Variants in ABHD16A observed in about 807,000 individuals in gnomAD.
The protein encoded by ABHD16A is phosphatidylserine lipase ABHD16A.
ABHD16A carries 47 observed loss-of-function variants against 89.8 expected under a neutral mutation model. The observed-to-expected ratio is 0.52, with a 90% CI of 0.41 to 0.67. ABHD16A has a LOEUF of 0.67. Ranked by LOEUF, ABHD16A falls within the 30% of genes least tolerant of loss-of-function variation. ABHD16A has a pLI of 0.00. For missense variants in ABHD16A, 580 were observed against 734.6 expected (o/e 0.79, Z 2.43); for synonymous variants, 251 against 280.4 (o/e 0.90, Z 1.05).
Position 31,690,149 on chromosome 6 carries a change from G to A in ABHD16A, c.908-22C>T. 6.4e-7 allele frequency: 1 copy of A among 1,571,262 alleles called. No homozygotes were observed. Among genetic ancestry groups the A allele is most frequent in the Non-Finnish European group, 8.6e-7 (1 of 1,159,364 alleles). On this transcript the variant is annotated intron_variant, in intron 10 of 19. Coordinates refer to ENST00000395952, the MANE Select transcript of ABHD16A (RefSeq NM_021160.3). This position sits in a 1 kb window ranked among gnomAD's most constrained non-coding sequence, Gnocchi z 4.1. ...CCAGCTGTAACACAGGGGGAGGAGG[G>A]ACTGAGACCTTGTGGCCCACAGCCC...
chr6:31,700,792 C>T (rs1804898100), intron 4 of ABHD16A, 150 bp downstream of exon 4: 4 of 647,230 alleles, frequency 6.2e-6, no homozygotes, highest in South Asian at 2.1e-5. Context: ...ATTTATAACC[C>T]AAGTCTTTTA....
In ABHD16A at chr6:31,690,179, TCCATC is replaced by T; in HGVS notation, c.908-57_908-53del. ...AGACCTTGTGGCCCACAGCCCTTTCTCCATCCCTGGGGGAAGGAAGAGCAGAAGTA... is the reference window on the plus strand; with the variant it reads ...AGACCTTGTGGCCCACAGCCCTTTCTCCTGGGGGAAGGAAGAGCAGAAGTA... On this transcript the variant is annotated intron_variant, in intron 10 of 19. Coordinates refer to ENST00000395952, the MANE Select transcript of ABHD16A (RefSeq NM_021160.3). This position sits in a 1 kb window ranked among gnomAD's most constrained non-coding sequence, Gnocchi z 4.1. The T allele has an allele frequency of 6.7e-7, 1 of 1,498,776 alleles. No homozygotes were observed. The highest frequency in any genetic ancestry group is 9.0e-7 in the Non-Finnish European group (1 of 1,110,844). 92.8% of individuals were successfully genotyped at this position (1,498,776 alleles called of 1,614,324 possible).
intron 5 of ABHD16A, among the ~76,000 whole-genome samples, chr6:31,696,163 C>CA (rs59018866): frequency 5.1e-3 from 358 of 69,524 alleles, no homozygotes; most frequent in Middle Eastern, 0.019. Flanking sequence ...GACTCCGTCT[C>CA]AAAAAAAAAA....
At position 31,690,210 on chromosome 6, in the gene ABHD16A, C is replaced by T; in HGVS notation, c.908-83G>A. The T allele has an allele frequency of 7.5e-7, 1 of 1,330,224 alleles. No homozygotes were observed. The highest frequency in any genetic ancestry group is 1.0e-6 in the Non-Finnish European group (1 of 971,106). The allele number at this position is 1,330,224 out of a possible 1,614,324, so 82.4% of individuals were successfully genotyped here. On this transcript the variant is annotated intron_variant, in intron 10 of 19. Coordinates refer to ENST00000395952, the MANE Select transcript of ABHD16A (RefSeq NM_021160.3). The surrounding 1 kb of genome is among the most constrained non-coding windows in gnomAD (Gnocchi z 4.1). ...CCTGGGGGAAGGAAGAGCAGAAGTA[C>T]CCCCCAGCTTAGATGCAAATAACTC...
At chr6:31,700,276 C>T (rs1804827455) in intron 4 of ABHD16A, among the ~76,000 whole-genome samples, 1 of 152,046 alleles carries the variant, frequency 6.6e-6, no homozygotes, top group South Asian at 2.1e-4. Flanking sequence ...CAGGCACGTG[C>T]CACCATGCCC....
intron 2 of ABHD16A, 46 bp from the exon 3 acceptor site, chr6:31,701,386 C>A: frequency 6.8e-7 from 1 of 1,480,448 alleles, no homozygotes; most frequent in Non-Finnish European, 9.4e-7. Flanking sequence ...CACACACACA[C>A]ACACCTGCCA....
chr6:31,693,281 T>C lies in ABHD16A; in HGVS notation c.503+78A>G. The C allele has an allele frequency of 6.3e-7, 1 of 1,592,888 alleles. No individual in the cohort carries two copies. Among genetic ancestry groups the C allele is most frequent in the Non-Finnish European group, 8.6e-7 (1 of 1,163,582 alleles). ...GCAGGCACTGTGACCTGAGAGGGCA[T>C]GGAGGTGGGAGGGCAGAGCAGAGAT... On this transcript the variant is annotated intron_variant, in intron 6 of 19. Transcript: ENST00000395952. This position sits in a 1 kb window ranked among gnomAD's most constrained non-coding sequence, Gnocchi z 5.0.
Position 31,688,373 on chromosome 6 carries a change from T to C in ABHD16A, c.1251-68A>G. The C allele has an allele frequency of 6.8e-7, 1 of 1,475,126 alleles. No individual in the cohort carries two copies. The highest frequency in any genetic ancestry group is 1.1e-5 in the South Asian group (1 of 87,876). 91.4% of individuals were successfully genotyped at this position (1,475,126 alleles called of 1,614,324 possible). On this transcript the variant is annotated intron_variant, in intron 14 of 19. Transcript: ENST00000395952. The surrounding 1 kb of genome is among the most constrained non-coding windows in gnomAD (Gnocchi z 4.9). ...ACGGGTGACAACTGGCCCACCCCTA[T>C]CCCTGCACTGGTAGCATTCTTACCC...
rs748187015 is a variant in ABHD16A at position 31,690,627 on chromosome 6, G to A, written c.844-25C>T. 1.9e-6 allele frequency: 3 copies of A among 1,611,814 alleles called. No individual in the cohort carries two copies. The highest frequency in any genetic ancestry group is 1.7e-6 in the Non-Finnish European group (2 of 1,179,042). ...CCTAGGAAGGAGGCAGGAAGGAAGG[G>A]CTGGGGGGCCAAGTTGGGACTGAAA... On this transcript the variant is annotated intron_variant, in intron 9 of 19. Transcript: ENST00000395952. The surrounding 1 kb of genome is among the most constrained non-coding windows in gnomAD (Gnocchi z 4.1).
intron 4 of ABHD16A, among the ~76,000 whole-genome samples, chr6:31,700,058 T>C (rs1804796332): frequency 6.6e-6 from 1 of 152,120 alleles, no homozygotes. Flanking sequence ...TCATCTGCGT[T>C]GTTGAGCGTA....
chr6:31,702,603 A>G, intron 1 of ABHD16A: 1 of 1,458,802 alleles, frequency 6.9e-7, no homozygotes, highest in Non-Finnish European at 9.0e-7. Flanking sequence ...AATATTTAGA[A>G]CAGCCTACCA....
In ABHD16A at chr6:31,687,210, C is replaced by G. The variant is rs912849261; in HGVS notation, c.*2G>C. The G allele has an allele frequency of 6.2e-7, 1 of 1,612,136 alleles. No homozygotes were observed. Among genetic ancestry groups the G allele is most frequent in the Non-Finnish European group, 8.5e-7 (1 of 1,179,436 alleles). On this transcript the variant is annotated 3_prime_UTR_variant, in exon 20 of 20. Transcript: ENST00000395952. This position sits in a 1 kb window ranked among gnomAD's most constrained non-coding sequence, Gnocchi z 6.3. ...TCTTCCATAATGAGTCCCAGTTGGTCCCTAGAGGTGCCAGGGCATCTGGAA... is the reference window on the plus strand; with the variant it reads ...TCTTCCATAATGAGTCCCAGTTGGTGCCTAGAGGTGCCAGGGCATCTGGAA...
Position 31,702,864 on chromosome 6 carries a change from A to G in ABHD16A, c.132+286T>C, listed in dbSNP as rs554390779. The G allele has an allele frequency of 4.6e-4, 630 of 1,362,108 alleles. No individual in the cohort carries two copies. The African/African-American group carries it at 8.9e-3, about 19-fold the overall frequency. The allele number at this position is 1,362,108 out of a possible 1,614,324, so 84.4% of individuals were successfully genotyped here. On this transcript the variant is annotated intron_variant, in intron 1 of 19. Coordinates refer to ENST00000395952, the MANE Select transcript of ABHD16A (RefSeq NM_021160.3). ...GTCTCTTCCCGGGACTCAAGACTCA[A>G]CTGGGACCGGCACGAACCACGACAC...
Position 31,688,649 on chromosome 6 carries a change from GT to G in ABHD16A, c.1250+73del. ...TTTACCAACTTGCACTTTAGTACTA[GT>G]TTCAGGGTTTGAGCGCCCAGCAGAG... On this transcript the variant is annotated intron_variant, in intron 14 of 19. Coordinates refer to ENST00000395952, the MANE Select transcript of ABHD16A (RefSeq NM_021160.3). This position sits in a 1 kb window ranked among gnomAD's most constrained non-coding sequence, Gnocchi z 4.9. 6.5e-7 allele frequency: 1 copy of G among 1,548,852 alleles called. No homozygotes were observed. The highest frequency in any genetic ancestry group is 8.9e-7 in the Non-Finnish European group (1 of 1,126,646).
At chr6:31,701,946 G>A in intron 2 of ABHD16A, 128 bp downstream of exon 2, 1 of 935,374 alleles carries the variant, frequency 1.1e-6, no homozygotes, top group South Asian at 1.4e-5. Context: ...GTGTTGGAGA[G>A]GTCTGCTGCA....
chr6:31,687,183 A>C lies in ABHD16A; in HGVS notation c.*29T>G. On this transcript the variant is annotated 3_prime_UTR_variant, in exon 20 of 20. Coordinates refer to ENST00000395952, the MANE Select transcript of ABHD16A (RefSeq NM_021160.3). This position sits in a 1 kb window ranked among gnomAD's most constrained non-coding sequence, Gnocchi z 6.3. Reference sequence around the variant, plus strand: ...CTTTCCTCATGTCTCCTCTCACCCCATTCTTCCATAATGAGTCCCAGTTGG... The same window carrying C: ...CTTTCCTCATGTCTCCTCTCACCCCCTTCTTCCATAATGAGTCCCAGTTGG... 1 of 1,586,492 alleles carries C rather than the reference A, an allele frequency of 6.3e-7. No individual in the cohort carries two copies. Among genetic ancestry groups the C allele is most frequent in the Non-Finnish European group, 8.6e-7 (1 of 1,156,946 alleles).
At chr6:31,701,107 A>G in intron 3 of ABHD16A, 79 bp from the exon 4 acceptor site, 1 of 1,376,372 alleles carries the variant, frequency 7.3e-7, no homozygotes, top group Admixed American at 1.8e-5. Context: ...CCCAACCTCC[A>G]CCCCACACTC....
At chr6:31,689,225 A>C in intron 12 of ABHD16A, 106 bp from the exon 13 acceptor site, 1 of 1,007,714 alleles carries the variant, frequency 9.9e-7, no homozygotes, top group Non-Finnish European at 1.5e-6. Flanking sequence ...CATTCCCCCT[A>C]TGTTATCCCT....
In ABHD16A at chr6:31,702,146, G is replaced by T; in HGVS notation, c.133-16C>A. On this transcript the variant is annotated splice_polypyrimidine_tract_variant and intron_variant, in intron 1 of 19. Transcript: ENST00000395952. ...AGTACGTATCCTGCCAAAACAGATG[G>T]CCTCCTTAAGGACCCTGCCCACTGG... The T allele has an allele frequency of 6.2e-7, 1 of 1,612,916 alleles. No homozygotes were observed. The highest frequency in any genetic ancestry group is 1.1e-5 in the South Asian group (1 of 91,082).
Sources: gnomAD v4.1 joint callset for allele counts (sites outside exome capture counted in the v4.1 genomes callset) on GRCh38, gnomAD v4.1.1 for gene constraint, Gnocchi (gnomAD v3.1) non-coding constraint, MANE v1.5 for transcripts, NCBI Gene and HGNC (gene_info 2026-07-23, HGNC 2026-07-21) for gene names.